GRM1: variants seen among roughly 807,000 people sequenced by gnomAD.
The protein encoded by GRM1 is glutamate metabotropic receptor 1, also known as metabotropic glutamate receptor 1.
GRM1 carries 33 observed loss-of-function variants against 90.9 expected under a neutral mutation model. The ratio of observed to expected loss-of-function variants is 0.36; its 90% CI spans 0.28 to 0.49. GRM1 has a LOEUF of 0.49. GRM1 is among the 20% of genes least tolerant of loss of function. The probability of loss-of-function intolerance (pLI) is 0.99; values close to 1 mark genes in which losing one functional copy is unlikely to be tolerated. For synonymous variants in GRM1, 700 were observed against 613.2 expected (o/e 1.14, Z -2.09); for missense variants, 1,190 against 1,534.3 (o/e 0.78, Z 3.75).
At chr6:146,035,408 G>T (rs545436711) in intron 1 of GRM1, among the ~76,000 whole-genome samples, 1 of 152,032 alleles carries the variant, frequency 6.6e-6, no homozygotes, top group African/African-American at 2.4e-5. Context: ...GCCAGATATT[G>T]TTACGAGATA....
intron 1 of GRM1, among the ~76,000 whole-genome samples, chr6:146,037,657 A>C (rs987828851): frequency 1.3e-5 from 2 of 151,932 alleles, no homozygotes; most frequent in African/African-American, 4.8e-5. Context: ...CTCTTACCTT[A>C]GTTTTGGATG....
rs1455857096 is a variant in GRM1 at position 146,029,690 on chromosome 6, C to T, written c.173C>T (p.Pro58Leu). 1.9e-6 allele frequency: 3 copies of T among 1,614,002 alleles called. No homozygotes were observed. Among genetic ancestry groups the T allele is most frequent in the African/African-American group, 2.7e-5 (2 of 74,894 alleles). The change falls in exon 1 of 8, where the codon CCG (proline) becomes CTG (leucine). Residue 58 changes from proline (P) to leucine (L), a missense_variant. Physicochemically the swap from Pro to Leu is moderately conservative, Grantham distance 98. Around this residue, in one of 10 missense-constraint regions of GRM1, gnomAD observed 25 missense variants for 65.9 expected, o/e 0.38. Coordinates refer to ENST00000282753, the MANE Select transcript of GRM1 (RefSeq NM_001278064.2). ...CTCTTCTCAGTCCATCACCAGCCTC[C>T]GGCCGAGAAAGTGCCCGAGAGGAAG... is the stretch of plus-strand genomic sequence containing the variant. ...GALFSVHHQP[P>L]AEKVPERKCG...
At chr6:146,197,658 A>G (rs1222176372) in intron 2 of GRM1, among the ~76,000 whole-genome samples, 4 of 152,238 alleles carry the variant, frequency 2.6e-5, no homozygotes, top group African/African-American at 9.6e-5. Flanking sequence ...TTATAGGAGA[A>G]AAGTCTAGCC....
In GRM1 at chr6:146,399,162, T is replaced by G. The variant is rs1777069257; in HGVS notation, c.2123T>G (p.Ile708Ser). ...TTCATGAGTGCCTGGGCTCAGGTGA[T>G]CATTGCCTCAATTCTGATTAGTGTG... ...PRFMSAWAQVIIASILISVQL... is the reference protein window; with the variant it reads ...PRFMSAWAQVSIASILISVQL... Residue 708 changes from isoleucine to serine, a missense_variant, in exon 7 of 8, where the codon ATC becomes AGC. This residue lies in a region of GRM1 where 414 missense variants were observed against 598.4 expected (regional missense o/e 0.69). Transcript: ENST00000282753. This position sits in a 1 kb window ranked among gnomAD's most constrained non-coding sequence, Gnocchi z 5.4. The G allele has an allele frequency of 3.1e-6, 5 of 1,614,022 alleles. No homozygotes were observed. In the Admixed American group the frequency reaches 5.0e-5, roughly 16 times the overall value.
At chr6:146,161,045 A>G (rs1777704441) in intron 2 of GRM1, among the ~76,000 whole-genome samples, 1 of 152,152 alleles carries the variant, frequency 6.6e-6, no homozygotes, top group Non-Finnish European at 1.5e-5. Flanking sequence ...GGTAAGCAGT[A>G]TTGTTGAAGT....
At chr6:146,041,184 TTC>T (rs1791089029) in intron 1 of GRM1, among the ~76,000 whole-genome samples, 1 of 152,026 alleles carries the variant, frequency 6.6e-6, no homozygotes, top group Non-Finnish European at 1.5e-5. Flanking sequence ...TTCACTGAGT[TTC>T]TTTAGAATTC....
intron 2 of GRM1, among the ~76,000 whole-genome samples, chr6:146,211,526 CTT>C (rs1037357826): frequency 6.6e-5 from 10 of 152,068 alleles, no homozygotes; most frequent in Non-Finnish European, 1.3e-4. Context: ...TATCCGGTGA[CTT>C]TTTGTTATAT....
intron 1 of GRM1, among the ~76,000 whole-genome samples, chr6:146,126,275 G>A (rs1432231808): frequency 1.3e-5 from 2 of 151,942 alleles, no homozygotes; most frequent in Admixed American, 6.6e-5. Context: ...TCATATTGAT[G>A]ACATAATATT....
chr6:146,202,714 C>A (rs1336410011), intron 2 of GRM1, among the ~76,000 whole-genome samples: 2 of 152,156 alleles, frequency 1.3e-5, no homozygotes, highest in African/African-American at 4.8e-5. Context: ...CTGTGTGATT[C>A]TAGACAAGCA....
chr6:146,300,569 A>G (rs1406463806), intron 2 of GRM1, among the ~76,000 whole-genome samples: 1 of 152,226 alleles, frequency 6.6e-6, no homozygotes, highest in Non-Finnish European at 1.5e-5. Context: ...TACTTAAGAC[A>G]TACAGCTTTC....
At chr6:146,154,609 T>C (rs1777455587) in intron 1 of GRM1, among the ~76,000 whole-genome samples, 1 of 152,212 alleles carries the variant, frequency 6.6e-6, no homozygotes, top group South Asian at 2.1e-4. Context: ...ATAAGAAAGC[T>C]TCTTTTAAAA....
intron 1 of GRM1, among the ~76,000 whole-genome samples, chr6:146,063,814 C>G (rs9322045): frequency 0.39 from 59,206 of 151,814 alleles, 11,982 homozygotes; most frequent in Middle Eastern, 0.53. Context: ...TCACACATAT[C>G]AGAATCATTG....
chr6:146,433,976 C>T lies in GRM1; in HGVS notation c.2765C>T (p.Thr922Met), dbSNP rs773503148. 10 of 1,613,896 alleles carry T rather than the reference C, an allele frequency of 6.2e-6. No individual in the cohort carries two copies. Among genetic ancestry groups the T allele is most frequent in the Middle Eastern group, 1.6e-4 (1 of 6,062 alleles). The change falls in exon 8 of 8, where the codon ACG becomes ATG. Residue 922 changes from threonine to methionine, a missense_variant. This residue lies in a region of GRM1 where 400 missense variants were observed against 360.8 expected (regional missense o/e 1.11). Coordinates refer to ENST00000282753, the MANE Select transcript of GRM1 (RefSeq NM_001278064.2). ...RLSVHVKTNE[T>M]ACNQTAVIKP... is the part of the protein sequence containing the mutation. The stretch of plus-strand genomic sequence containing the variant: ...TCTGTGCACGTGAAGACCAATGAGA[C>T]GGCCTGCAACCAAACAGCCGTCATC...
At chr6:146,287,186 T>C (rs1259275764) in intron 2 of GRM1, among the ~76,000 whole-genome samples, 1 of 152,154 alleles carries the variant, frequency 6.6e-6, no homozygotes, top group Non-Finnish European at 1.5e-5. Flanking sequence ...GAGTTTTCTG[T>C]AATAAGTAGG....
intron 5 of GRM1, among the ~76,000 whole-genome samples, chr6:146,379,325 C>A (rs977399144): frequency 6.6e-6 from 1 of 152,142 alleles, no homozygotes; most frequent in Non-Finnish European, 1.5e-5. Flanking sequence ...TTTAAACTCA[C>A]TAATTCTTTT....
intron 2 of GRM1, among the ~76,000 whole-genome samples, chr6:146,254,157 G>A (rs1324782428): frequency 6.6e-6 from 1 of 152,168 alleles, no homozygotes; most frequent in Non-Finnish European, 1.5e-5. Context: ...GGGCAGAAAC[G>A]ACGGCAGCAA....
At chr6:146,379,675 T>C (rs1032924418) in intron 5 of GRM1, among the ~76,000 whole-genome samples, 1 of 152,172 alleles carries the variant, frequency 6.6e-6, no homozygotes, top group African/African-American at 2.4e-5. Flanking sequence ...TATAGGTATT[T>C]AATGTAGCCT....
chr6:146,157,735 G>A (rs1012457060), intron 1 of GRM1, among the ~76,000 whole-genome samples: 1 of 152,034 alleles, frequency 6.6e-6, no homozygotes, highest in Non-Finnish European at 1.5e-5. Flanking sequence ...AGCAGGAGTT[G>A]GCTCTAACCT....
At chr6:146,410,338 CT>C (rs1296650586) in intron 7 of GRM1, among the ~76,000 whole-genome samples, 5 of 152,078 alleles carry the variant, frequency 3.3e-5, no homozygotes, top group Non-Finnish European at 7.4e-5. Flanking sequence ...AGTCTGTGAT[CT>C]TTGCTTTGTC....
Sources: allele counts gnomAD v4.1 joint callset (sites outside exome capture counted in the v4.1 genomes callset), GRCh38; gene constraint gnomAD v4.1.1; regional missense constraint gnomAD v4.1.1; non-coding constraint Gnocchi (gnomAD v3.1); transcripts MANE v1.5; gene names NCBI Gene and HGNC (gene_info 2026-07-23, HGNC 2026-07-21).